The following DEAF1 variants were observed in gnomAD, a reference collection of about 807,000 sequenced individuals.
DEAF1 encodes the protein DEAF1 transcription factor, also known as deformed epidermal autoregulatory factor 1 homolog.
Under a neutral mutation model 58.9 loss-of-function variants are expected in DEAF1, and 53 were observed. The observed-to-expected ratio is 0.90, with a 90% CI of 0.72 to 1.13. The LOEUF (loss-of-function observed/expected upper bound fraction) is 1.13. Among genes scored for constraint, DEAF1 ranks in the 50% most tolerant of loss-of-function variants. The pLI, the probability that DEAF1 is intolerant of heterozygous loss-of-function variation, is 0.00. For synonymous variants in DEAF1, 385 were observed against 340.4 expected (o/e 1.13, Z -1.44); for missense variants, 685 against 791.4 (o/e 0.87, Z 1.61).
chr11:651,826 C>A (rs535497441), intron 11 of DEAF1, among the ~76,000 whole-genome samples: 2 of 152,208 alleles, frequency 1.3e-5, no homozygotes, highest in Non-Finnish European at 2.9e-5. Context: ...GCGGAGCTTG[C>A]GGTGAGCTGA....
chr11:687,080 C>T, intron 4 of DEAF1, 83 bp from the exon 5 acceptor site: 4 of 1,593,454 alleles, frequency 2.5e-6, no homozygotes, highest in Non-Finnish European at 2.6e-6. Flanking sequence ...CCTCCTCAAC[C>T]CCTCCACCAG....
intron 6 of DEAF1, among the ~76,000 whole-genome samples, chr11:683,714 G>A (rs908160314): frequency 5.9e-5 from 9 of 152,156 alleles, no homozygotes; most frequent in African/African-American, 2.2e-4. Flanking sequence ...ATCAACTTGG[G>A]AAAAAGTCGC....
chr11:659,572 A>G (rs1042127989), intron 10 of DEAF1, among the ~76,000 whole-genome samples: 2 of 152,058 alleles, frequency 1.3e-5, no homozygotes, highest in Non-Finnish European at 2.9e-5. Flanking sequence ...TGTCACCATC[A>G]CTCCTGAACC....
At chr11:689,981 G>A (rs555460058) in intron 2 of DEAF1, among the ~76,000 whole-genome samples, 7 of 151,898 alleles carry the variant, frequency 4.6e-5, no homozygotes, top group East Asian at 2.0e-4. Flanking sequence ...AACACAGATC[G>A]CCACGTGGCC....
upstream of DEAF1, chr11:695,304 T>G: frequency 4.5e-6 from 2 of 440,126 alleles, no homozygotes; most frequent in Non-Finnish European, 4.0e-6. Flanking sequence ...CGAGACCGAG[T>G]CCTGAACCGA....
intron 1 of DEAF1, chr11:703,848 A>G: frequency 8.1e-7 from 1 of 1,236,418 alleles, no homozygotes; most frequent in Non-Finnish European, 1.0e-6. Flanking sequence ...AGACTGCAGG[A>G]GAGAGAGCAG....
chr11:679,857 C>T (rs763451209), intron 7 of DEAF1, 41 bp from the exon 8 acceptor site: 21 of 1,608,868 alleles, frequency 1.3e-5, no homozygotes, highest in Non-Finnish European at 1.7e-5. Flanking sequence ...CAGGCAGTGG[C>T]GCCCACGGCA....
At chr11:649,759 C>T (rs1402808179) in intron 11 of DEAF1, among the ~76,000 whole-genome samples, 6 of 151,886 alleles carry the variant, frequency 4.0e-5, no homozygotes, top group Non-Finnish European at 8.8e-5. Context: ...AGTGCGGTGG[C>T]TCACACCTGT....
chr11:676,837 G>A (rs1314815730), intron 9 of DEAF1, among the ~76,000 whole-genome samples: 10 of 152,140 alleles, frequency 6.6e-5, no homozygotes, highest in Non-Finnish European at 1.5e-5. Context: ...AAGTTACAAA[G>A]GAACTAGCAC....
chr11:695,499 C>G (rs1861085957), upstream of DEAF1: 22 of 889,768 alleles, frequency 2.5e-5, no homozygotes, highest in South Asian at 1.1e-3. Flanking sequence ...CGGCGCAATT[C>G]TGCCTCTCAG....
At chr11:646,417 C>T (rs1243448996) in intron 11 of DEAF1, 8 of 152,248 alleles carry the variant, frequency 5.3e-5, no homozygotes, top group Admixed American at 3.9e-4. Context: ...CGGTTCCTGC[C>T]GAGACTCTGT....
At chr11:704,928 G>T (rs140319145) in intron 1 of DEAF1, 9 of 347,884 alleles carry the variant, frequency 2.6e-5, no homozygotes, top group African/African-American at 1.3e-4. Context: ...GCACCGAGGG[G>T]TTGGCGTGTG....
At chr11:658,050 G>A (rs7396568) in intron 10 of DEAF1, among the ~76,000 whole-genome samples, 59,303 of 152,024 alleles carry the variant, frequency 0.39, 12,962 homozygotes, top group East Asian at 0.57. Context: ...GGGAGGCTGC[G>A]GAGTGGCAGA....
At chr11:671,954 C>CG in intron 10 of DEAF1, among the ~76,000 whole-genome samples, 1 of 152,202 alleles carries the variant, frequency 6.6e-6, no homozygotes, top group Non-Finnish European at 1.5e-5. Flanking sequence ...CCTTTCCTCC[C>CG]GCTTTGCCAT....
Position 694,755 on chromosome 11 carries a change from T to C in DEAF1, c.289+4A>G, listed in dbSNP as rs1174037090. ...CGAGGCGAGAGGCCGGCGGGCGCAC[T>C]TGCCTGCGAAGGCTGCGGCAGCGGC... is the stretch of plus-strand genomic sequence containing the variant. On this transcript the variant is annotated splice_donor_region_variant and intron_variant, in intron 1 of 11. Coordinates refer to ENST00000382409, the MANE Select transcript of DEAF1 (RefSeq NM_021008.4). 3.9e-6 allele frequency: 5 copies of C among 1,294,266 alleles called. No individual in the cohort carries two copies. The highest frequency in any genetic ancestry group is 1.6e-5 in the African/African-American group (1 of 64,326). The allele number at this position is 1,294,266 out of a possible 1,614,324, so 80.2% of individuals were successfully genotyped here.
At chr11:695,959 T>C (rs1861127421), upstream of DEAF1, 1 of 844,608 alleles carries the variant, frequency 1.2e-6, no homozygotes, top group Non-Finnish European at 1.6e-6. Flanking sequence ...TGCCACCGTC[T>C]CTACGTGAGC....
At chr11:662,115 G>A (rs777446131) in intron 10 of DEAF1, among the ~76,000 whole-genome samples, 2 of 152,124 alleles carry the variant, frequency 1.3e-5, no homozygotes, top group Non-Finnish European at 2.9e-5. Flanking sequence ...TGGCCAACAT[G>A]GCAAAATACA....
rs539764709 is a variant in DEAF1, at chr11:679,264, G to A, written c.1126+424C>T. 7.9e-5 allele frequency among the ~76,000 whole-genome samples: 12 copies of A among 151,182 alleles called. No homozygotes were observed. The East Asian group carries it at 1.9e-3, about 25-fold the overall frequency. On this transcript the variant is annotated intron_variant, in intron 8 of 11. Transcript: ENST00000382409. The stretch of plus-strand genomic sequence containing the variant: ...CGGGAGGCGGAGCTTGCAATGAGCC[G>A]AGATCATGCCACTGCCCTCCAGCCT...
At chr11:694,646 A>T (rs1861021029) in intron 1 of DEAF1, 113 bp downstream of exon 1, 1 of 1,015,752 alleles carries the variant, frequency 9.8e-7, no homozygotes. Context: ...CACGTGGAGC[A>T]GGTGTGAGGG....
Sources: gnomAD v4.1 joint callset for allele counts (sites outside exome capture counted in the v4.1 genomes callset) on GRCh38, gnomAD v4.1.1 for gene constraint, MANE v1.5 for transcripts, NCBI Gene and HGNC (gene_info 2026-07-23, HGNC 2026-07-21) for gene names.